HDAC9: variants seen among roughly 807,000 people sequenced by gnomAD.
The protein encoded by HDAC9 is MEF-2 interacting transcription repressor (MITR) protein.
A neutral mutation model predicts 139.4 loss-of-function variants in HDAC9; 41 were observed. The observed-to-expected ratio is 0.29, with a 90% CI of 0.23 to 0.38. The LOEUF is 0.38. Ranked by LOEUF, HDAC9 falls within the 10% of genes least tolerant of loss-of-function variation. HDAC9 has a pLI of 1.00. For synonymous variants in HDAC9, 517 were observed against 476.2 expected (o/e 1.09, Z -1.12); for missense variants, 1,147 against 1,297.0 (o/e 0.88, Z 1.78).
chr7:18,251,270 A>G (rs1345923442), intron 2 of HDAC9, among the ~76,000 whole-genome samples: 1 of 152,068 alleles, frequency 6.6e-6, no homozygotes. Flanking sequence ...AAAATTAAAC[A>G]CCGCATGTTC....
intron 21 of HDAC9, among the ~76,000 whole-genome samples, chr7:18,859,856 ATATG>A (rs1554381813): frequency 5.1e-5 from 6 of 117,246 alleles, no homozygotes; most frequent in Non-Finnish European, 1.1e-4. Context: ...ATATATATAT[ATATG>A]TGAGAGAATG....
At chr7:18,891,259 A>C (rs1800656054) in intron 22 of HDAC9, among the ~76,000 whole-genome samples, 1 of 152,230 alleles carries the variant, frequency 6.6e-6, no homozygotes, top group Non-Finnish European at 1.5e-5. Flanking sequence ...TTTGTCGCCC[A>C]AGTAGCCAGC....
intron 1 of HDAC9, among the ~76,000 whole-genome samples, chr7:18,118,530 G>C (rs1031155740): frequency 1.3e-5 from 2 of 152,024 alleles, no homozygotes; most frequent in African/African-American, 4.8e-5. Flanking sequence ...TTTCTAGCTT[G>C]CTTGACAATT....
chr7:18,625,946 C>CAAAAAA (rs11312304), intron 6 of HDAC9, among the ~76,000 whole-genome samples: 6 of 60,946 alleles, frequency 9.8e-5, no homozygotes, highest in Admixed American at 3.2e-4. Context: ...GACTCCATCT[C>CAAAAAA]AAAAAAAAAA....
At chr7:18,366,219 A>C (rs1784168548) in intron 1 of HDAC9, among the ~76,000 whole-genome samples, 1 of 152,150 alleles carries the variant, frequency 6.6e-6, no homozygotes, top group African/African-American at 2.4e-5. Context: ...AACTGCTGTA[A>C]GCAAGGCTTG....
intron 10 of HDAC9, 113 bp from the exon 11 acceptor site, chr7:18,648,353 T>C: frequency 1.2e-6 from 1 of 867,536 alleles, no homozygotes; most frequent in South Asian, 1.6e-5. Context: ...TTACAGTTTA[T>C]ACCATGTATC....
chr7:18,517,999 T>C (rs1157635187), intron 2 of HDAC9: 1 of 152,252 alleles, frequency 6.6e-6, no homozygotes, highest in South Asian at 2.1e-4. Flanking sequence ...CTTACAGTTA[T>C]ACAGTGTTCA....
intron 2 of HDAC9, among the ~76,000 whole-genome samples, chr7:18,566,482 CT>C (rs1822398934): frequency 6.6e-6 from 1 of 152,144 alleles, no homozygotes; most frequent in Non-Finnish European, 1.5e-5. Context: ...ATGAGATATA[CT>C]TTCTGATAAA....
intron 6 of HDAC9, among the ~76,000 whole-genome samples, chr7:18,621,965 A>G (rs1401174875): frequency 6.6e-6 from 1 of 152,224 alleles, no homozygotes; most frequent in African/African-American, 2.4e-5. Flanking sequence ...AGCCTGGGTT[A>G]TAGGAGAGAT....
intron 3 of HDAC9, among the ~76,000 whole-genome samples, chr7:18,588,296 A>T (rs540889663): frequency 4.2e-4 from 64 of 152,340 alleles, no homozygotes; most frequent in African/African-American, 1.4e-3. Flanking sequence ...TTTCATTAGT[A>T]TTGAAAGTTA....
At chr7:18,141,086 C>G (rs1213378611) in intron 1 of HDAC9, among the ~76,000 whole-genome samples, 1 of 152,114 alleles carries the variant, frequency 6.6e-6, no homozygotes, top group East Asian at 1.9e-4. Flanking sequence ...CCACACTAGA[C>G]TTTAAAATTG....
At chr7:18,456,256 A>G (rs182554604) in intron 1 of HDAC9, among the ~76,000 whole-genome samples, 1 of 152,210 alleles carries the variant, frequency 6.6e-6, no homozygotes, top group East Asian at 1.9e-4. Context: ...GATTTTTTTG[A>G]GATAGAGTCT....
intron 24 of HDAC9, among the ~76,000 whole-genome samples, chr7:18,958,737 T>A (rs1055618820): frequency 6.6e-6 from 1 of 152,150 alleles, no homozygotes; most frequent in Admixed American, 6.5e-5. Flanking sequence ...TAAGCCTGCG[T>A]TGATTTTTGT....
chr7:18,187,983 A>C (rs867210490), intron 2 of HDAC9, among the ~76,000 whole-genome samples: 1 of 152,200 alleles, frequency 6.6e-6, no homozygotes, highest in Non-Finnish European at 1.5e-5. Flanking sequence ...TTCTTCACAG[A>C]ATTAGAAAAA....
intron 12 of HDAC9, among the ~76,000 whole-genome samples, chr7:18,709,041 A>G (rs1459713774): frequency 6.6e-6 from 1 of 151,562 alleles, no homozygotes; most frequent in African/African-American, 2.4e-5. Context: ...ACAGATTCCC[A>G]ACCAAGAAAA....
chr7:18,501,451 G>A (rs1798333710), intron 2 of HDAC9, among the ~76,000 whole-genome samples: 1 of 152,142 alleles, frequency 6.6e-6, no homozygotes, highest in Middle Eastern at 3.4e-3. Flanking sequence ...CCTTAAAGAG[G>A]TCTTTTTGGA....
intron 2 of HDAC9, among the ~76,000 whole-genome samples, chr7:18,555,258 T>C (rs1446414045): frequency 2.6e-5 from 4 of 152,186 alleles, no homozygotes; most frequent in Admixed American, 2.6e-4. Flanking sequence ...TTAATTCCAT[T>C]TCTGGGAACC....
At chr7:18,681,590 C>T (rs1027089324) in intron 12 of HDAC9, among the ~76,000 whole-genome samples, 1 of 152,010 alleles carries the variant, frequency 6.6e-6, no homozygotes, top group African/African-American at 2.4e-5. Flanking sequence ...ACAGCAACTT[C>T]CATGAGTCAA....
intron 1 of HDAC9, among the ~76,000 whole-genome samples, chr7:18,121,845 T>A (rs1167561937): frequency 6.6e-6 from 1 of 152,188 alleles, no homozygotes; most frequent in African/African-American, 2.4e-5. Context: ...AAGGTTATTA[T>A]TGAGAGTAGG....
Sources: gnomAD v4.1 joint callset for allele counts (sites outside exome capture counted in the v4.1 genomes callset) on GRCh38, gnomAD v4.1.1 for gene constraint, MANE v1.5 for transcripts, NCBI Gene and HGNC (gene_info 2026-07-23, HGNC 2026-07-21) for gene names.